Variants in PKP2 observed in about 807,000 individuals in gnomAD.
The protein encoded by PKP2 is plakophilin 2.
A neutral mutation model predicts 83.4 loss-of-function variants in PKP2; 73 were observed. The ratio of observed to expected loss-of-function variants is 0.88; its 90% CI spans 0.72 to 1.06. The LOEUF (loss-of-function observed/expected upper bound fraction) is 1.06, where lower values mean the gene tolerates loss of function less well. Among genes scored for constraint, PKP2 ranks in the 50% least tolerant of loss-of-function variants. The pLI is 0.00. For synonymous variants in PKP2, 409 were observed against 430.4 expected (o/e 0.95, Z 0.62); for missense variants, 966 against 1,065.4 (o/e 0.91, Z 1.30).
At chr12:32,823,308 T>C (rs1462622011) in intron 7 of PKP2, among the ~76,000 whole-genome samples, 1 of 151,532 alleles carries the variant, frequency 6.6e-6, no homozygotes, top group Non-Finnish European at 1.5e-5. Context: ...TCCCAGTTAT[T>C]TGGGAAGCTG....
At chr12:32,882,742 T>C (rs2137965587) in intron 1 of PKP2, among the ~76,000 whole-genome samples, 1 of 152,332 alleles carries the variant, frequency 6.6e-6, no homozygotes, top group East Asian at 1.9e-4. Flanking sequence ...TAATATTCTG[T>C]GATGCGGAGC....
intron 10 of PKP2, among the ~76,000 whole-genome samples, chr12:32,797,223 T>G (rs1956134044): frequency 6.6e-6 from 1 of 151,920 alleles, no homozygotes; most frequent in South Asian, 2.1e-4. Context: ...GTGGATCACT[T>G]AAGGTCAGGA....
chr12:32,848,565 C>G (rs1438216792), intron 5 of PKP2, among the ~76,000 whole-genome samples: 1 of 151,882 alleles, frequency 6.6e-6, no homozygotes, highest in Non-Finnish European at 1.5e-5. Flanking sequence ...AATGCAAAAA[C>G]AAAAAATCAA....
intron 9 of PKP2, among the ~76,000 whole-genome samples, chr12:32,806,624 A>G (rs1482670341): frequency 6.6e-6 from 1 of 151,726 alleles, no homozygotes; most frequent in Non-Finnish European, 1.5e-5. Flanking sequence ...TCTAGCTAGT[A>G]GATCATCTTA....
intron 3 of PKP2, among the ~76,000 whole-genome samples, chr12:32,872,223 CA>C (rs1274980485): frequency 3.9e-5 from 6 of 152,050 alleles, no homozygotes; most frequent in Non-Finnish European, 7.4e-5. Context: ...CGAGACATTA[CA>C]GGGGGAGAAA....
At chr12:32,825,485 T>C (rs74806055) in intron 6 of PKP2, among the ~76,000 whole-genome samples, 2,819 of 152,272 alleles carry the variant, frequency 0.019, 42 homozygotes, top group South Asian at 0.045. Context: ...TCAGTTTCTT[T>C]TACTGGTAGG....
intron 4 of PKP2, 114 bp downstream of exon 4, chr12:32,868,812 AC>A: frequency 8.5e-7 from 1 of 1,183,276 alleles, no homozygotes; most frequent in Non-Finnish European, 1.2e-6. Context: ...GTGAACCACC[AC>A]GCACGGTCCC....
chr12:32,818,973 C>G (rs141657126), intron 9 of PKP2, among the ~76,000 whole-genome samples: 1 of 151,942 alleles, frequency 6.6e-6, no homozygotes, highest in East Asian at 1.9e-4. Flanking sequence ...AAAAGCATCC[C>G]GTAACTTAAA....
At chr12:32,851,398 T>C (rs1283875368) in intron 4 of PKP2, among the ~76,000 whole-genome samples, 1 of 152,134 alleles carries the variant, frequency 6.6e-6, no homozygotes, top group African/African-American at 2.4e-5. Context: ...ATAAAATGAA[T>C]AGTATCACTT....
At chr12:32,896,430 G>C (rs1312075360) in intron 1 of PKP2, 79 bp downstream of exon 1, 1 of 1,121,348 alleles carries the variant, frequency 8.9e-7, no homozygotes. Flanking sequence ...CTCCCAGCAC[G>C]CGGGGTGAGG....
chr12:32,891,062 C>T (rs1957072276), intron 1 of PKP2, among the ~76,000 whole-genome samples: 1 of 151,988 alleles, frequency 6.6e-6, no homozygotes, highest in Non-Finnish European at 1.5e-5. Flanking sequence ...TCAGGGGAGC[C>T]AGGTGGCTCA....
chr12:32,864,309 T>TACACACACACAC (rs35886681), intron 4 of PKP2, among the ~76,000 whole-genome samples: 1 of 145,830 alleles, frequency 6.9e-6, no homozygotes, highest in African/African-American at 2.5e-5. Flanking sequence ...ACTATACACA[T>TACACACACACAC]ACACACACAC....
chr12:32,866,348 T>C (rs1415382508), intron 4 of PKP2, among the ~76,000 whole-genome samples: 1 of 151,094 alleles, frequency 6.6e-6, no homozygotes, highest in Non-Finnish European at 1.5e-5. Context: ...AACTTGGGAG[T>C]TGGAGACCAG....
chr12:32,890,091 A>G (rs967324254), intron 1 of PKP2, among the ~76,000 whole-genome samples: 2 of 151,192 alleles, frequency 1.3e-5, no homozygotes, highest in African/African-American at 4.9e-5. Context: ...AAAAAAAAAA[A>G]AAAAAAGAAA....
chr12:32,868,144 G>A (rs1040408389), intron 4 of PKP2, among the ~76,000 whole-genome samples: 17 of 152,188 alleles, frequency 1.1e-4, no homozygotes, highest in African/African-American at 3.4e-4. Context: ...CTACATTTCC[G>A]AATTGCAGGA....
chr12:32,863,988 C>T (rs147089985), intron 4 of PKP2, among the ~76,000 whole-genome samples: 28 of 152,042 alleles, frequency 1.8e-4, no homozygotes, highest in African/African-American at 5.8e-4. Flanking sequence ...GAATGGAATA[C>T]CATTTTAAAA....
rs1418008296 is a variant in PKP2, at chr12:32,791,713, TTTTA to T, written c.*707_*710del. 2.0e-5 allele frequency: 3 copies of T among 152,196 alleles called. No individual in the cohort carries two copies. The East Asian group carries it at 5.8e-4, about 29-fold the overall frequency. 9.4% of individuals were successfully genotyped at this position (152,196 alleles called of 1,614,324 possible). A position where few individuals can be genotyped will look rare whatever the true frequency, so the allele number is the denominator to read the frequency against. ...CAGTTGCCTTTCTCTGTGGAAAAGA[TTTTA>T]TTTATTTATTTATTTTTTATTTTAC... On this transcript the variant is annotated 3_prime_UTR_variant, in exon 13 of 13. Coordinates refer to ENST00000340811, the MANE Select transcript of PKP2 (RefSeq NM_001005242.3).
intron 6 of PKP2, among the ~76,000 whole-genome samples, chr12:32,831,324 A>G (rs1956499501): frequency 6.6e-6 from 1 of 152,214 alleles, no homozygotes; most frequent in African/African-American, 2.4e-5. Context: ...CACTTTTTAT[A>G]ATAATGAATA....
chr12:32,868,151 A>G (rs1956865780), intron 4 of PKP2, among the ~76,000 whole-genome samples: 1 of 152,218 alleles, frequency 6.6e-6, no homozygotes, highest in Admixed American at 6.5e-5. Context: ...TCCGAATTGC[A>G]GGAAATATTT....
Sources: allele counts gnomAD v4.1 joint callset (sites outside exome capture counted in the v4.1 genomes callset), GRCh38; gene constraint gnomAD v4.1.1; transcripts MANE v1.5; gene names NCBI Gene and HGNC (gene_info 2026-07-23, HGNC 2026-07-21).